Variants in SOHLH2 observed in about 807,000 individuals in gnomAD.
SOHLH2 encodes the protein spermatogenesis- and oogenesis-specific basic helix-loop-helix-containing protein 2.
A neutral mutation model predicts 50.4 loss-of-function variants in SOHLH2; 22 were observed. The ratio of observed to expected loss-of-function variants is 0.44; its 90% CI spans 0.31 to 0.62. The LOEUF (loss-of-function observed/expected upper bound fraction) is 0.62, where lower values mean the gene tolerates loss of function less well. Among genes scored for constraint, SOHLH2 ranks in the 20% least tolerant of loss-of-function variants. The pLI is 0.08. For missense variants in SOHLH2, 412 were observed against 504.4 expected (o/e 0.82, Z 1.76); for synonymous variants, 185 against 187.3 (o/e 0.99, Z 0.10).
In SOHLH2 at chr13:36,202,957, C is replaced by G. The variant is rs1868516571; in HGVS notation, c.49-864G>C. Among the ~76,000 whole-genome samples, 3 of 152,210 alleles carry G rather than the reference C, an allele frequency of 2.0e-5. No homozygotes were observed. The South Asian group carries it at 6.2e-4, about 32-fold the overall frequency. On this transcript the variant is annotated intron_variant, in intron 1 of 10. Coordinates refer to ENST00000379881, the MANE Select transcript of SOHLH2 (RefSeq NM_017826.3). The stretch of plus-strand genomic sequence containing the variant: ...GTAAGTGGCCCCGTGGGGCTTCCTT[C>G]TCTTTTCAGCCTGGTTTCCTGAGGG...
At chr13:36,182,084 A>C (rs751883097) in intron 6 of SOHLH2, 1 of 984,364 alleles carries the variant, frequency 1.0e-6, no homozygotes, top group African/African-American at 1.7e-5. Context: ...GCAGCTGTAT[A>C]CTGCTAAGAT....
At chr13:36,170,930 A>G (rs762707471) in intron 9 of SOHLH2, 143 bp from the exon 10 acceptor site, 93 of 1,330,926 alleles carry the variant, frequency 7.0e-5, no homozygotes, top group Non-Finnish European at 8.8e-5. Context: ...TGCTGATGGA[A>G]AAACAAAGTG....
intron 1 of SOHLH2, among the ~76,000 whole-genome samples, chr13:36,209,033 TTCTTC>T (rs145957164): frequency 2.0e-3 from 298 of 152,298 alleles, no homozygotes; most frequent in African/African-American, 6.9e-3. Context: ...TCTGAAAATT[TTCTTC>T]TCTTATTTCT....
intron 6 of SOHLH2, among the ~76,000 whole-genome samples, chr13:36,187,266 C>A (rs1887447089): frequency 6.6e-6 from 1 of 152,018 alleles, no homozygotes; most frequent in Non-Finnish European, 1.5e-5. Flanking sequence ...ATAAAGGATT[C>A]CCACCATTAG....
chr13:36,194,814 T>C (rs1385653901), intron 2 of SOHLH2, among the ~76,000 whole-genome samples: 1 of 152,202 alleles, frequency 6.6e-6, no homozygotes, highest in Non-Finnish European at 1.5e-5. Context: ...CTTTAAAACA[T>C]CATTTATTAG....
At chr13:36,179,923 G>C (rs1342904386) in intron 6 of SOHLH2, among the ~76,000 whole-genome samples, 2 of 152,170 alleles carry the variant, frequency 1.3e-5, no homozygotes, top group Non-Finnish European at 2.9e-5. Context: ...TCCCATGAAA[G>C]GGGTTAGGAA....
In SOHLH2 at chr13:36,169,030, G is replaced by T. The variant is rs1222059912; in HGVS notation, c.*4C>A. On this transcript the variant is annotated 3_prime_UTR_variant, in exon 11 of 11. Coordinates refer to ENST00000379881, the MANE Select transcript of SOHLH2 (RefSeq NM_017826.3). ...TTGAGAGTGTGAATTTCAAACATGT[G>T]CTTTTAATACGCCCAAAACTGTTGC... The T allele has an allele frequency of 6.2e-7, 1 of 1,605,864 alleles. No individual in the cohort carries two copies. Among genetic ancestry groups the T allele is most frequent in the Non-Finnish European group, 8.5e-7 (1 of 1,177,460 alleles).
chr13:36,196,265 C>A (rs1021468451), intron 2 of SOHLH2, among the ~76,000 whole-genome samples: 10 of 151,746 alleles, frequency 6.6e-5, no homozygotes, highest in Non-Finnish European at 1.5e-4. Context: ...GCTGGGACTA[C>A]AGGTGTGTGC....
At chr13:36,206,531 A>C (rs999587615) in intron 1 of SOHLH2, among the ~76,000 whole-genome samples, 3 of 151,950 alleles carry the variant, frequency 2.0e-5, no homozygotes, top group African/African-American at 7.2e-5. Flanking sequence ...ATTTCAGTGC[A>C]TTGTCAACAA....
At chr13:36,212,342 T>C (rs997015374) in intron 1 of SOHLH2, among the ~76,000 whole-genome samples, 7 of 152,250 alleles carry the variant, frequency 4.6e-5, no homozygotes, top group Non-Finnish European at 7.3e-5. Flanking sequence ...CATAGCACAC[T>C]TGGAATGTTA....
chr13:36,191,046 T>A (rs1249061508), intron 5 of SOHLH2, among the ~76,000 whole-genome samples: 2 of 152,132 alleles, frequency 1.3e-5, no homozygotes, highest in African/African-American at 2.4e-5. Flanking sequence ...ATTCTTTGTA[T>A]CCCTAGGCTC....
rs912521925 is a variant in SOHLH2, at chr13:36,213,441, T to G, written c.48+1038A>C. ...AGATGAAATTAAGTTTGCAGAGCAT[T>G]CTAAGAGGTAATAAGACTACACTCA... On this transcript the variant is annotated intron_variant, in intron 1 of 10. Coordinates refer to ENST00000379881, the MANE Select transcript of SOHLH2 (RefSeq NM_017826.3). Among the ~76,000 whole-genome samples, 7 of 152,248 alleles carry G rather than the reference T, an allele frequency of 4.6e-5. No individual in the cohort carries two copies. In the East Asian group the frequency reaches 5.8e-4, roughly 13 times the overall value.
chr13:36,213,812 C>T (rs1593967297), intron 1 of SOHLH2, among the ~76,000 whole-genome samples: 1 of 152,122 alleles, frequency 6.6e-6, no homozygotes, highest in East Asian at 1.9e-4. Context: ...CTTTGGGATG[C>T]CACGCCAGTG....
chr13:36,193,726 C>A lies in SOHLH2; in HGVS notation c.326-1G>T. On this transcript the variant is annotated splice_acceptor_variant, in intron 3 of 10. Coordinates refer to ENST00000379881, the MANE Select transcript of SOHLH2 (RefSeq NM_017826.3). LOFTEE classifies it high-confidence loss of function. ...TCCATTCCATGCCCTGAAATACAAC[C>A]TAAGAATCTTTATATTAAATATTGA... is the stretch of plus-strand genomic sequence containing the variant. 1 of 1,606,834 alleles carries A rather than the reference C, an allele frequency of 6.2e-7. No individual in the cohort carries two copies. Among genetic ancestry groups the A allele is most frequent in the Non-Finnish European group, 8.5e-7 (1 of 1,178,376 alleles).
intron 1 of SOHLH2, among the ~76,000 whole-genome samples, chr13:36,203,054 C>A (rs560191030): frequency 6.6e-6 from 1 of 152,216 alleles, no homozygotes; most frequent in South Asian, 2.1e-4. Flanking sequence ...GCACTTCCAC[C>A]TGCTCACCTA....
intron 2 of SOHLH2, among the ~76,000 whole-genome samples, chr13:36,194,431 A>G (rs2138303621): frequency 6.6e-6 from 1 of 152,312 alleles, no homozygotes; most frequent in Middle Eastern, 3.4e-3. Context: ...AGAGGTACCA[A>G]TTAAAGTATT....
intron 5 of SOHLH2, among the ~76,000 whole-genome samples, chr13:36,190,729 C>T (rs1466272009): frequency 1.3e-5 from 2 of 152,142 alleles, no homozygotes; most frequent in East Asian, 1.9e-4. Flanking sequence ...GTCATAAAAA[C>T]TTTTTTAAAA....
At chr13:36,173,638 T>TGCAGG in intron 9 of SOHLH2, 54 bp downstream of exon 9, 1 of 1,605,272 alleles carries the variant, frequency 6.2e-7, no homozygotes. Flanking sequence ...CCTGGGGGTT[T>TGCAGG]GCAGGGCAGG....
intron 6 of SOHLH2, 122 bp from the exon 7 acceptor site, chr13:36,174,991 T>G: frequency 1.5e-6 from 2 of 1,343,768 alleles, no homozygotes; most frequent in Non-Finnish European, 1.9e-6. Flanking sequence ...CTATATAGTC[T>G]CCATTTCAGA....
Sources: gnomAD v4.1 joint callset for allele counts (sites outside exome capture counted in the v4.1 genomes callset) on GRCh38, gnomAD v4.1.1 for gene constraint, MANE v1.5 for transcripts, NCBI Gene and HGNC (gene_info 2026-07-23, HGNC 2026-07-21) for gene names.